Variants in NF1 observed in about 807,000 individuals in gnomAD.
The protein encoded by NF1 is neurofibromin 1.
In NF1, 122 loss-of-function variants were observed where a neutral mutation model predicts 325.7. That is an observed-to-expected ratio of 0.37 (90% CI 0.32 to 0.44). The LOEUF (loss-of-function observed/expected upper bound fraction) is 0.44, where lower values mean the gene tolerates loss of function less well. NF1 is among the 20% of genes least tolerant of loss of function. NF1 has a pLI of 1.00. For synonymous variants in NF1, 1,091 were observed against 1,186.0 expected (o/e 0.92, Z 1.65); for missense variants, 2,140 against 3,415.4 (o/e 0.63, Z 9.31).
intron 57 of NF1, among the ~76,000 whole-genome samples, chr17:31,372,398 T>C (rs2854322): frequency 0.46 from 70,462 of 152,030 alleles, 19,834 homozygotes; most frequent in African/African-American, 0.79. Flanking sequence ...CCCGCCAAAA[T>C]TTATGCCAGC....
intron 1 of NF1, among the ~76,000 whole-genome samples, chr17:31,126,229 ATGT>A (rs759296661): frequency 6.6e-6 from 1 of 152,134 alleles, no homozygotes; most frequent in Non-Finnish European, 1.5e-5. Context: ...TGGGTAAGAA[ATGT>A]TGTTTCATTG....
At chr17:31,109,159 A>G (rs187025052) in intron 1 of NF1, among the ~76,000 whole-genome samples, 168 of 152,294 alleles carry the variant, frequency 1.1e-3, no homozygotes, top group African/African-American at 3.8e-3. Flanking sequence ...GACAATTGCA[A>G]CAACATTTTC....
At chr17:31,193,395 C>T (rs1218877870) in intron 8 of NF1, among the ~76,000 whole-genome samples, 2 of 152,158 alleles carry the variant, frequency 1.3e-5, no homozygotes, top group South Asian at 2.1e-4. Context: ...TGGTCTCAAA[C>T]TTCTGGGCTT....
At chr17:31,208,935 G>A (rs948404949) in intron 12 of NF1, among the ~76,000 whole-genome samples, 2 of 152,050 alleles carry the variant, frequency 1.3e-5, no homozygotes. Context: ...GTGGCATGGA[G>A]TCTGGCAACA....
At chr17:31,218,722 C>G (rs903065551) in intron 13 of NF1, among the ~76,000 whole-genome samples, 1 of 152,150 alleles carries the variant, frequency 6.6e-6, no homozygotes, top group African/African-American at 2.4e-5. Context: ...CAGGCGCATG[C>G]CACCACGCCT....
At position 31,099,176 on chromosome 17, in the gene NF1, A is replaced by T. The variant is rs1473809043; in HGVS notation, c.60+3807A>T. Among the ~76,000 whole-genome samples, 7 of 152,248 alleles carry T rather than the reference A, an allele frequency of 4.6e-5. No homozygotes were observed. The East Asian group carries it at 1.4e-3, about 29-fold the overall frequency. ...TGGATTTCTAATATTCGGTGTGATT[A>T]AAGCAGAAATGCATTTCTAGCCACT... On this transcript the variant is annotated intron_variant, in intron 1 of 57. Coordinates refer to ENST00000358273, the MANE Select transcript of NF1 (RefSeq NM_001042492.3).
intron 13 of NF1, among the ~76,000 whole-genome samples, chr17:31,216,858 G>C (rs1293383495): frequency 6.6e-6 from 1 of 151,980 alleles, no homozygotes; most frequent in Non-Finnish European, 1.5e-5. Context: ...CTCCCTTGCA[G>C]TTGCTTTTCC....
chr17:31,228,904 TA>T, intron 20 of NF1, 120 bp from the exon 21 acceptor site: 1 of 733,542 alleles, frequency 1.4e-6, no homozygotes. Context: ...GGGTTGATTT[TA>T]ATGTATATTT....
At chr17:31,206,647 A>C (rs1206543821) in intron 12 of NF1, among the ~76,000 whole-genome samples, 1 of 151,870 alleles carries the variant, frequency 6.6e-6, no homozygotes, top group African/African-American at 2.4e-5. Context: ...CTGTTTTTAA[A>C]GTTTTTTTTC....
chr17:31,110,806 G>A (rs1273570416), intron 1 of NF1, among the ~76,000 whole-genome samples: 3 of 152,058 alleles, frequency 2.0e-5, no homozygotes, highest in Admixed American at 1.3e-4. Flanking sequence ...AACGTTGGTT[G>A]CTTAAGGTCT....
At chr17:31,305,186 A>G in intron 36 of NF1, 1 of 1,614,138 alleles carries the variant, frequency 6.2e-7, no homozygotes, top group Non-Finnish European at 8.5e-7. Flanking sequence ...GTATAGACAA[A>G]TGACTTTGGT....
chr17:31,225,639 AAAC>A (rs1218309411), intron 17 of NF1, among the ~76,000 whole-genome samples: 1 of 152,190 alleles, frequency 6.6e-6, no homozygotes, highest in Non-Finnish European at 1.5e-5. Context: ...ACAGGGATAA[AAAC>A]AAAGTATTTT....
At chr17:31,352,150 A>T in intron 50 of NF1, 107 bp from the exon 51 acceptor site, 1 of 1,012,132 alleles carries the variant, frequency 9.9e-7, no homozygotes, top group Non-Finnish European at 1.5e-6. Context: ...TTTTAAAATT[A>T]ATTGATTGCT....
intron 35 of NF1, 71 bp downstream of exon 35, chr17:31,261,928 T>C (rs2067693566): frequency 1.4e-6 from 2 of 1,464,510 alleles, no homozygotes; most frequent in Non-Finnish European, 1.9e-6. Context: ...ACCAGGCCAC[T>C]TGTTAGATAT....
intron 39 of NF1, 32 bp downstream of exon 39, chr17:31,330,530 A>G (rs17882009): frequency 2.8e-5 from 40 of 1,444,850 alleles, no homozygotes; most frequent in Admixed American, 5.1e-5. Flanking sequence ...TAATACTAAC[A>G]ATTATTCTAA....
At position 31,255,205 on chromosome 17, in the gene NF1, G is replaced by T. The variant is rs142277034; in HGVS notation, c.4173+2205G>T. On this transcript the variant is annotated intron_variant, in intron 31 of 57. Transcript: ENST00000358273. ...ATGCTCTTGCTGAAGTGTAGTTTAT[G>T]ACTACATGCATTCGCGTTATGTAGT... Among the ~76,000 whole-genome samples the T allele has an allele frequency of 7.5e-3, 1,145 of 152,254 alleles. 11 individuals are homozygous for T. The highest frequency in any genetic ancestry group is 0.012 in the East Asian group (63 of 5,176).
chr17:31,115,382 CTG>C (rs1037678514), intron 1 of NF1, among the ~76,000 whole-genome samples: 4 of 152,178 alleles, frequency 2.6e-5, no homozygotes, highest in African/African-American at 7.2e-5. Flanking sequence ...TTCAGTGGAA[CTG>C]TGTGGAATCA....
At chr17:31,122,183 A>G (rs1387267595) in intron 1 of NF1, among the ~76,000 whole-genome samples, 1 of 152,168 alleles carries the variant, frequency 6.6e-6, no homozygotes, top group Non-Finnish European at 1.5e-5. Flanking sequence ...TATAATAGGG[A>G]TGATCTGAGC....
At chr17:31,343,228 A>G in intron 48 of NF1, 93 bp downstream of exon 48, 3 of 1,269,798 alleles carry the variant, frequency 2.4e-6, no homozygotes, top group Non-Finnish European at 1.1e-6. Flanking sequence ...AATTGAAGTA[A>G]GTTAGCCCTT....
Sources: allele counts gnomAD v4.1 joint callset (sites outside exome capture counted in the v4.1 genomes callset), GRCh38; gene constraint gnomAD v4.1.1; transcripts MANE v1.5; gene names NCBI Gene and HGNC (gene_info 2026-07-23, HGNC 2026-07-21).